The following CALCR variants were observed in gnomAD, a reference collection of about 807,000 sequenced individuals.
CALCR encodes the protein calcitonin receptor.
CALCR carries 47 observed loss-of-function variants against 59.5 expected under a neutral mutation model. The observed-to-expected ratio is 0.79, with a 90% CI of 0.63 to 1.01. The LOEUF is 1.01. CALCR is among the 50% of genes least tolerant of loss of function. CALCR has a pLI of 0.00. For missense variants in CALCR, 566 were observed against 597.1 expected (o/e 0.95, Z 0.54); for synonymous variants, 213 against 211.3 (o/e 1.01, Z -0.07).
intron 2 of CALCR, among the ~76,000 whole-genome samples, chr7:93,534,036 T>A (rs983557646): frequency 4.0e-5 from 6 of 151,734 alleles, no homozygotes; most frequent in Non-Finnish European, 7.4e-5. Flanking sequence ...AGAAGTATAA[T>A]TTTGAAAATA....
intron 2 of CALCR, among the ~76,000 whole-genome samples, chr7:93,563,641 G>A (rs7795310): frequency 0.19 from 29,283 of 152,024 alleles, 3,491 homozygotes; most frequent in East Asian, 0.36. Flanking sequence ...AAGAAAAATC[G>A]CTATTTAATT....
chr7:93,539,090 T>C (rs114655789), intron 2 of CALCR, among the ~76,000 whole-genome samples: 2,322 of 152,218 alleles, frequency 0.015, 57 homozygotes, highest in African/African-American at 0.053. Flanking sequence ...TTATAATATG[T>C]TGATATGTTA....
intron 9 of CALCR, among the ~76,000 whole-genome samples, chr7:93,442,426 G>T (rs1378890161): frequency 6.6e-6 from 1 of 152,016 alleles, no homozygotes; most frequent in Non-Finnish European, 1.5e-5. Context: ...GTTATGTAAG[G>T]GTGTTATGGA....
intron 2 of CALCR, among the ~76,000 whole-genome samples, chr7:93,571,580 G>A (rs1446371138): frequency 2.0e-5 from 3 of 151,754 alleles, no homozygotes; most frequent in African/African-American, 4.8e-5. Context: ...GCAGAGCTGT[G>A]CCAGAATTTG....
At chr7:93,455,282 A>G (rs1056995093) in intron 8 of CALCR, among the ~76,000 whole-genome samples, 1 of 151,960 alleles carries the variant, frequency 6.6e-6, no homozygotes, top group Non-Finnish European at 1.5e-5. Context: ...ATGCTGATAG[A>G]TACGCTTTTC....
intron 2 of CALCR, among the ~76,000 whole-genome samples, chr7:93,487,493 C>T (rs1269281546): frequency 4.6e-5 from 7 of 151,396 alleles, no homozygotes; most frequent in Non-Finnish European, 1.0e-4. Flanking sequence ...AATTTTCTTT[C>T]CTATAAATGT....
rs375093689 is a variant in CALCR at position 93,471,694 on chromosome 7, G to A, written c.429+681C>T. On this transcript the variant is annotated intron_variant, in intron 6 of 13. Coordinates refer to ENST00000426151, the MANE Select transcript of CALCR (RefSeq NM_001742.4). Reference sequence around the variant, plus strand: ...GTAACTCCTTGTTCTGTAGGGTGAGGAGGCTGGTTGTAGACTTGGTGAATT... The same window carrying A: ...GTAACTCCTTGTTCTGTAGGGTGAGAAGGCTGGTTGTAGACTTGGTGAATT... Among the ~76,000 whole-genome samples, 52 of 151,854 alleles carry A rather than the reference G, an allele frequency of 3.4e-4. No homozygotes were observed. The South Asian group carries it at 8.1e-3, about 24-fold the overall frequency.
intron 2 of CALCR, among the ~76,000 whole-genome samples, chr7:93,534,828 G>C (rs1788944867): frequency 6.6e-6 from 1 of 151,658 alleles, no homozygotes; most frequent in African/African-American, 2.4e-5. Flanking sequence ...CAGAGAGCTA[G>C]TGTTTAGAAA....
intron 2 of CALCR, among the ~76,000 whole-genome samples, chr7:93,536,037 G>A (rs1331650498): frequency 2.6e-5 from 4 of 151,802 alleles, no homozygotes; most frequent in Non-Finnish European, 1.5e-5. Flanking sequence ...CTGTATGTAT[G>A]TCTATACTAG....
At chr7:93,451,426 T>C (rs951625220) in intron 8 of CALCR, among the ~76,000 whole-genome samples, 3 of 152,066 alleles carry the variant, frequency 2.0e-5, no homozygotes, top group Non-Finnish European at 2.9e-5. Flanking sequence ...GGGGTTCATT[T>C]AAAAGCATGT....
chr7:93,559,794 T>A (rs1457490331), intron 2 of CALCR: 1 of 152,102 alleles, frequency 6.6e-6, no homozygotes, highest in Non-Finnish European at 1.5e-5. Context: ...TCACTGGTAT[T>A]CCTGTCTCTT....
chr7:93,558,841 G>T (rs1274882018), intron 2 of CALCR, among the ~76,000 whole-genome samples: 2 of 152,112 alleles, frequency 1.3e-5, no homozygotes, highest in East Asian at 3.9e-4. Context: ...TTGATAGCTT[G>T]ACCAACAGCA....
At position 93,479,751 on chromosome 7, in the gene CALCR, T is replaced by TAC. The variant is rs74808380; in HGVS notation, c.52-246_52-245dup. On this transcript the variant is annotated intron_variant, in intron 3 of 13. Transcript: ENST00000426151. ...TTTACTATTGAAAATGGATAACACC[T>TAC]ACACACTCATATACCTCTTTATCAG... Among the ~76,000 whole-genome samples, 80,038 of 151,432 alleles carry TAC rather than the reference T, an allele frequency of 0.53. 21,438 individuals carry two copies. The highest frequency in any genetic ancestry group is 0.69 in the East Asian group (3,503 of 5,070).
intron 9 of CALCR, among the ~76,000 whole-genome samples, chr7:93,443,103 G>A (rs367756397): frequency 1.3e-5 from 2 of 152,224 alleles, no homozygotes; most frequent in East Asian, 3.9e-4. Flanking sequence ...TTGGAAGCCC[G>A]TGTGGTTATA....
At chr7:93,570,940 A>G (rs1317747472) in intron 2 of CALCR, among the ~76,000 whole-genome samples, 1 of 152,158 alleles carries the variant, frequency 6.6e-6, no homozygotes, top group Non-Finnish European at 1.5e-5. Context: ...TACTGATAAC[A>G]TTTTTTCTAC....
At chr7:93,554,186 A>G (rs1374474197) in intron 2 of CALCR, among the ~76,000 whole-genome samples, 1 of 152,132 alleles carries the variant, frequency 6.6e-6, no homozygotes, top group Non-Finnish European at 1.5e-5. Flanking sequence ...TTTATTTTTT[A>G]TATGAGAAGT....
intron 2 of CALCR, among the ~76,000 whole-genome samples, chr7:93,547,784 C>A (rs1165557896): frequency 1.3e-5 from 2 of 152,154 alleles, no homozygotes; most frequent in East Asian, 3.8e-4. Flanking sequence ...ACTTAATGGG[C>A]TGTTTCTGAA....
intron 5 of CALCR, among the ~76,000 whole-genome samples, chr7:93,473,858 G>A (rs1365397205): frequency 6.6e-6 from 1 of 151,586 alleles, no homozygotes; most frequent in Non-Finnish European, 1.5e-5. Context: ...TATATTCAGT[G>A]CTGGTTACAG....
At chr7:93,542,755 G>C (rs1789178223) in intron 2 of CALCR, among the ~76,000 whole-genome samples, 3 of 150,882 alleles carry the variant, frequency 2.0e-5, no homozygotes, top group African/African-American at 4.9e-5. Context: ...AAACTTTTTT[G>C]TTAAAAACTA....
Sources: allele counts gnomAD v4.1 joint callset (sites outside exome capture counted in the v4.1 genomes callset), GRCh38; gene constraint gnomAD v4.1.1; transcripts MANE v1.5; gene names NCBI Gene and HGNC (gene_info 2026-07-23, HGNC 2026-07-21).